EPS8L3: variants seen among roughly 807,000 people sequenced by gnomAD.
The protein encoded by EPS8L3 is EPS8 signaling adaptor L3, also known as epidermal growth factor receptor kinase substrate 8-like protein 3.
EPS8L3 carries 80 observed loss-of-function variants against 88.5 expected under a neutral mutation model. The ratio of observed to expected loss-of-function variants is 0.90; its 90% CI spans 0.75 to 1.09. The LOEUF (loss-of-function observed/expected upper bound fraction) is 1.09, where lower values mean the gene tolerates loss of function less well. EPS8L3 is among the 50% of genes least tolerant of loss of function. The pLI, the probability that EPS8L3 is intolerant of heterozygous loss-of-function variation, is 0.00. For synonymous variants in EPS8L3, 286 were observed against 291.0 expected, an observed-to-expected ratio of 0.98 and a Z score of 0.18; for missense variants, 721 against 735.2, an observed-to-expected ratio of 0.98 and a Z score of 0.22.
intron 17 of EPS8L3, 124 bp from the exon 18 acceptor site, chr1:109,750,916 C>G: frequency 8.6e-7 from 1 of 1,163,006 alleles, no homozygotes; most frequent in East Asian, 2.6e-5. Context: ...ATGGAGTAGG[C>G]TATCTGAGAT....
In EPS8L3 at chr1:109,757,069, G is replaced by A. The variant is rs11102001; in HGVS notation, c.1066C>T (p.Pro356Ser). 126,622 of 1,613,934 alleles carry A rather than the reference G, an allele frequency of 0.078. 8,986 individuals are homozygous for A. Among genetic ancestry groups the A allele is most frequent in the African/African-American group, 0.37 (27,967 of 74,920 alleles). ...AINLLQSCLSPPESNLWMGLG... is the reference protein window; with the variant it reads ...AINLLQSCLSSPESNLWMGLG... ...CCCATCCAAAGGTTACTCTCAGGTG[G>A]GCTTAGACAGGACTGTAGCAGGTTG... Residue 356 changes from proline (P) to serine (S), a missense_variant, in exon 12 of 19, where the codon CCA (proline) becomes TCA (serine). Transcript: ENST00000361965.
In EPS8L3 at chr1:109,752,017, A is replaced by G; in HGVS notation, c.1412T>C (p.Val471Ala). ...CACCTCCAGCTTCTCTCCCTGGACC[A>G]CAGTCAGTTCCCGTGGGTTCCTAGC... ...FEARNPRELT[V>A]VQGEKLEVLD... is the part of the protein sequence containing the mutation. The change falls in exon 15 of 19, where the codon GTG (valine) becomes GCG (alanine). Residue 471 changes from valine to alanine, a missense_variant. Val to Ala is a moderately conservative substitution (Grantham distance 64, BLOSUM62 0). Transcript: ENST00000361965. 1 of 1,611,072 alleles carries G rather than the reference A, an allele frequency of 6.2e-7. No individual in the cohort carries two copies. Among genetic ancestry groups the G allele is most frequent in the Non-Finnish European group, 8.5e-7 (1 of 1,178,142 alleles).
chr1:109,751,619 A>T, intron 16 of EPS8L3, 35 bp downstream of exon 16: 1 of 1,613,334 alleles, frequency 6.2e-7, no homozygotes, highest in Non-Finnish European at 8.5e-7. Context: ...CCAACTCAAG[A>T]CTTAGGGCTC....
At position 109,751,699 on chromosome 1, in the gene EPS8L3, G is replaced by C. The variant is rs201857156; in HGVS notation, c.1518C>G (p.Pro506=). 3 of 1,613,924 alleles carry C rather than the reference G, an allele frequency of 1.9e-6. No individual in the cohort carries two copies. In the East Asian group the frequency reaches 6.7e-5, roughly 36 times the overall value. The stretch of plus-strand genomic sequence containing the variant: ...GGGTCCCAGGGGTCCCCGGCTGTAG[G>C]GGCTCCAGGATGTTGCTTGGAATGT... ...SGYIPSNILE[P]LQPGTPGTQG... The change falls in exon 16 of 19, where the codon CCC becomes CCG. Residue 506 remains proline (P), a synonymous_variant. Transcript: ENST00000361965.
At chr1:109,758,274 G>A (rs1484306175) in intron 8 of EPS8L3, 42 bp downstream of exon 8, 1 of 1,564,164 alleles carries the variant, frequency 6.4e-7, no homozygotes, top group South Asian at 1.1e-5. Context: ...CCTTTTCCCA[G>A]GCCCAGAAAG....
rs1650989811 is a variant in EPS8L3, at chr1:109,761,743, T to C, written c.7A>G (p.Arg3Gly). The change falls in exon 2 of 19, where the codon AGG (arginine) becomes GGG (glycine). Residue 3 changes from arginine to glycine, a missense_variant. Transcript: ENST00000361965. Reference protein sequence around the residue: MSRPSSRAIYLHR... With the variant: MSGPSSRAIYLHR... ...CAGTAAATGGCTCTGCTGCTGGGCC[T>C]TGACATGTTGACGCTGCTGAGGACG... 1 of 1,613,754 alleles carries C rather than the reference T, an allele frequency of 6.2e-7. No homozygotes were observed. The highest frequency in any genetic ancestry group is 1.3e-5 in the African/African-American group (1 of 74,838).
intron 12 of EPS8L3, among the ~76,000 whole-genome samples, chr1:109,756,319 A>G (rs979317476): frequency 1.5e-4 from 23 of 150,702 alleles, no homozygotes; most frequent in African/African-American, 5.6e-4. Context: ...GCTCACTACA[A>G]CCTCCGCCTC....
rs762908329 is a variant in EPS8L3 at position 109,759,211 on chromosome 1, C to G, written c.405+27G>C. 1.2e-6 allele frequency: 2 copies of G among 1,611,656 alleles called. No individual in the cohort carries two copies. Among genetic ancestry groups the G allele is most frequent in the South Asian group, 1.1e-5 (1 of 90,944 alleles). On this transcript the variant is annotated intron_variant, in intron 5 of 18. Coordinates refer to ENST00000361965, the MANE Select transcript of EPS8L3 (RefSeq NM_133181.4). This position sits in a 1 kb window ranked among gnomAD's most constrained non-coding sequence, Gnocchi z 4.2. The stretch of plus-strand genomic sequence containing the variant: ...GGGGTGATGGTCGATGAACCCCACC[C>G]CTGACCAATCACCCCCGACCACTCA...
intron 12 of EPS8L3, among the ~76,000 whole-genome samples, chr1:109,754,747 T>C (rs1650125940): frequency 6.6e-6 from 1 of 152,182 alleles, no homozygotes; most frequent in Non-Finnish European, 1.5e-5. Flanking sequence ...TTTGAGTCTA[T>C]TGTAGAACCT....
chr1:109,759,009 C>T lies in EPS8L3; in HGVS notation c.461+53G>A, dbSNP rs1001615076. Reference sequence around the variant, plus strand: ...CCAAGATATGGGGTCAGGGTCTGGCCCCCGAGGCTGAGCTGGGAGGCCCCA... The same window carrying T: ...CCAAGATATGGGGTCAGGGTCTGGCTCCCGAGGCTGAGCTGGGAGGCCCCA... On this transcript the variant is annotated intron_variant, in intron 6 of 18. Coordinates refer to ENST00000361965, the MANE Select transcript of EPS8L3 (RefSeq NM_133181.4). The surrounding 1 kb of genome is among the most constrained non-coding windows in gnomAD (Gnocchi z 4.2). The T allele has an allele frequency of 5.8e-6, 9 of 1,543,280 alleles. No homozygotes were observed. The highest frequency in any genetic ancestry group is 7.0e-6 in the Non-Finnish European group (8 of 1,137,272).
chr1:109,761,359 T>A (rs1650920408), intron 3 of EPS8L3, 136 bp downstream of exon 3: 2 of 724,760 alleles, frequency 2.8e-6, no homozygotes, highest in Non-Finnish European at 4.6e-6. Context: ...TCTGAGTCCA[T>A]GCGACATGGT....
intron 1 of EPS8L3, among the ~76,000 whole-genome samples, chr1:109,763,017 G>A (rs1463696142): frequency 6.6e-6 from 1 of 152,220 alleles, no homozygotes; most frequent in East Asian, 1.9e-4. Flanking sequence ...GTATCCACAT[G>A]TCTACATGGT....
rs1012760851 is a variant in EPS8L3, at chr1:109,750,344, A to G, written c.*47T>C. Reference sequence around the variant, plus strand: ...GGCTCTAATGGGTATCAGATCTGCCATCTTGCATCAGCGGGGCCTGGTTCT... The same window carrying G: ...GGCTCTAATGGGTATCAGATCTGCCGTCTTGCATCAGCGGGGCCTGGTTCT... On this transcript the variant is annotated 3_prime_UTR_variant, in exon 19 of 19. Transcript: ENST00000361965. 9.9e-6 allele frequency: 16 copies of G among 1,611,756 alleles called. No individual in the cohort carries two copies. Among genetic ancestry groups the G allele is most frequent in the Middle Eastern group, 1.7e-4 (1 of 6,014 alleles).
At chr1:109,752,448 T>G in intron 14 of EPS8L3, 1 of 602,956 alleles carries the variant, frequency 1.7e-6, no homozygotes, top group East Asian at 2.8e-5. Context: ...CACTTTATAC[T>G]TGAGTATGGG....
At position 109,759,994 on chromosome 1, in the gene EPS8L3, A is replaced by G; in HGVS notation, c.97-158T>C. The stretch of plus-strand genomic sequence containing the variant: ...CAGATAAAGCAACTTTCCAGGGCCA[A>G]TGTGAGGGACGGTGTCGAAGCACTG... On this transcript the variant is annotated intron_variant, in intron 3 of 18. Coordinates refer to ENST00000361965, the MANE Select transcript of EPS8L3 (RefSeq NM_133181.4). The surrounding 1 kb of genome is among the most constrained non-coding windows in gnomAD (Gnocchi z 4.2). 1 of 717,364 alleles carries G rather than the reference A, an allele frequency of 1.4e-6. No individual in the cohort carries two copies. The highest frequency in any genetic ancestry group is 2.3e-6 in the Non-Finnish European group (1 of 443,710). The allele number at this position is 717,364 out of a possible 1,614,324, so 44.4% of individuals were successfully genotyped here.
chr1:109,759,073 C>T lies in EPS8L3; in HGVS notation c.450G>A (p.Glu150=). The T allele has an allele frequency of 1.2e-6, 2 of 1,606,216 alleles. No homozygotes were observed. Among genetic ancestry groups the T allele is most frequent in the Admixed American group, 1.7e-5 (1 of 58,942 alleles). ...KTSLQKALEE[E]LEQRPRLGGL... Reference sequence around the variant, plus strand: ...CAGAGGCTGCCTACCTTTGCTCCAGCTCTTCCTCCAGAGCCTTCTGCAGGC... The same window carrying T: ...CAGAGGCTGCCTACCTTTGCTCCAGTTCTTCCTCCAGAGCCTTCTGCAGGC... Residue 150 remains glutamate (E), a synonymous_variant, in exon 6 of 19, where the codon GAG becomes GAA. Transcript: ENST00000361965. The surrounding 1 kb of genome is among the most constrained non-coding windows in gnomAD (Gnocchi z 4.2).
In EPS8L3 at chr1:109,757,970, A is replaced by G; in HGVS notation, c.806T>C (p.Phe269Ser). 6.2e-7 allele frequency: 1 copy of G among 1,613,926 alleles called. No individual in the cohort carries two copies. The change falls in exon 9 of 19, where the codon TTT becomes TCT. Residue 269 changes from phenylalanine to serine, a missense_variant. Coordinates refer to ENST00000361965, the MANE Select transcript of EPS8L3 (RefSeq NM_133181.4). The stretch of plus-strand genomic sequence containing the variant: ...TCCCTGGTCCTTGTTTTTTTTCCCA[A>G]ATTTCTTCTTCCTGCTGGTCTTTGC... ...AQAKTSRKKK[F>S]GKKNKDQGGL...
chr1:109,751,176 A>G, intron 17 of EPS8L3, 102 bp downstream of exon 17: 2 of 999,340 alleles, frequency 2.0e-6, no homozygotes, highest in East Asian at 2.5e-5. Context: ...GATCGGGGTC[A>G]TGTACAATGT....
rs146873673 is a variant in EPS8L3, at chr1:109,759,297, C to G, written c.346G>C (p.Val116Leu). 1 of 1,614,130 alleles carries G rather than the reference C, an allele frequency of 6.2e-7. No homozygotes were observed. The highest frequency in any genetic ancestry group is 8.5e-7 in the Non-Finnish European group (1 of 1,180,022). Residue 116 changes from valine to leucine, a missense_variant, in exon 5 of 19, where the codon GTG becomes CTG. Transcript: ENST00000361965. The surrounding 1 kb of genome is among the most constrained non-coding windows in gnomAD (Gnocchi z 4.2). ...CSYNSILSIT[V>L]QEPGLPGTST... ...GTGCCTGGCAGGCCCGGCTCCTGCA[C>G]GGTGATGGACAGGATGGAGTTGTAG...
Sources: allele counts gnomAD v4.1 joint callset (sites outside exome capture counted in the v4.1 genomes callset), GRCh38; gene constraint gnomAD v4.1.1; non-coding constraint Gnocchi (gnomAD v3.1); transcripts MANE v1.5; gene names NCBI Gene and HGNC (gene_info 2026-07-23, HGNC 2026-07-21).